ATP6V1E2: variants seen among roughly 807,000 people sequenced by gnomAD.
The protein encoded by ATP6V1E2 is ATPase H+ transporting V1 subunit E2, also known as V-type proton ATPase subunit E 2.
For synonymous variants in ATP6V1E2, 121 were observed against 104.2 expected (o/e 1.16, Z -0.98); for missense variants, 308 against 273.3 (o/e 1.13, Z -0.90).
At chr2:46,539,758 C>T (rs1667631888) in intron 2 of ATP6V1E2, among the ~76,000 whole-genome samples, 1 of 152,232 alleles carries the variant, frequency 6.6e-6, no homozygotes, top group African/African-American at 2.4e-5. Context: ...GTGCTCTTGG[C>T]CTTTCCCAGG....
At chr2:46,515,554 G>T (rs891986890) in intron 4 of ATP6V1E2, among the ~76,000 whole-genome samples, 1 of 152,068 alleles carries the variant, frequency 6.6e-6, no homozygotes, top group Non-Finnish European at 1.5e-5. Flanking sequence ...CAGGGGTTGG[G>T]GGCAGGTATG....
chr2:46,513,631 C>T (rs1375695103), intron 4 of ATP6V1E2, among the ~76,000 whole-genome samples: 1 of 152,042 alleles, frequency 6.6e-6, no homozygotes, highest in Non-Finnish European at 1.5e-5. Context: ...CAAGACCATC[C>T]TGGCCAACAT....
chr2:46,516,585 C>A (rs547115828), intron 4 of ATP6V1E2, among the ~76,000 whole-genome samples: 9 of 152,128 alleles, frequency 5.9e-5, no homozygotes, highest in Middle Eastern at 3.4e-3. Flanking sequence ...CAGAATGAGA[C>A]CCTATCTCTA....
intron 4 of ATP6V1E2, among the ~76,000 whole-genome samples, chr2:46,526,984 C>T (rs1572710210): frequency 6.6e-6 from 1 of 152,214 alleles, no homozygotes; most frequent in Non-Finnish European, 1.5e-5. Flanking sequence ...CACTATTTTA[C>T]AGTTCACAGC....
chr2:46,534,730 T>C (rs746145701), intron 4 of ATP6V1E2: 6 of 151,134 alleles, frequency 4.0e-5, no homozygotes, highest in Non-Finnish European at 7.4e-5. Flanking sequence ...AGTCTAGAGT[T>C]ACCTCACTTT....
chr2:46,534,977 C>T (rs1213393920), intron 4 of ATP6V1E2: 1 of 152,222 alleles, frequency 6.6e-6, no homozygotes, highest in African/African-American at 2.4e-5. Context: ...TTCCAGGAGC[C>T]TGTTTTGCTG....
At chr2:46,534,489 T>C (rs1667343929) in intron 4 of ATP6V1E2, 1 of 152,210 alleles carries the variant, frequency 6.6e-6, no homozygotes, top group Non-Finnish European at 1.5e-5. Flanking sequence ...GCTAACGTTA[T>C]TATCTCTGTC....
In ATP6V1E2 at chr2:46,512,353, ACCAGTTTATCCAGCAGCC is replaced by A; in HGVS notation, c.341_358del (p.Gly114_Leu119del). On this transcript the variant is annotated inframe_deletion, in exon 5 of 5. Coordinates refer to ENST00000522587, the MANE Select transcript of ATP6V1E2 (RefSeq NM_001318063.2). ...CAGCAGTCGGAGCAGACCCTGGAGC[ACCAGTTTATCCAGCAGCC>A]CCTGGTAGACCTCTGGGTCCTCCAC... 2 of 1,613,982 alleles carry A rather than the reference ACCAGTTTATCCAGCAGCC, an allele frequency of 1.2e-6. No homozygotes were observed. Among genetic ancestry groups the A allele is most frequent in the Non-Finnish European group, 1.7e-6 (2 of 1,179,974 alleles).
In ATP6V1E2 at chr2:46,512,067, C is replaced by A. The variant is rs183405788; in HGVS notation, c.645G>T (p.Leu215Phe). ...ACTTTCTGTTGGTGTTAGCACCAAA[C>A]AAGGCCATTCGTATTTCTGGCATCT... ...KQKMPEIRMA[L>F]FGANTNRKFF... Residue 215 changes from leucine to phenylalanine, a missense_variant, in exon 5 of 5, where the codon TTG (leucine) becomes TTT (phenylalanine). Transcript: ENST00000522587. The A allele has an allele frequency of 1.2e-6, 2 of 1,611,424 alleles. No individual in the cohort carries two copies. The highest frequency in any genetic ancestry group is 1.7e-6 in the Non-Finnish European group (2 of 1,178,694).
At position 46,535,123 on chromosome 2, in the gene ATP6V1E2, T is replaced by TA. The variant is rs1014585892; in HGVS notation, c.-102+689dup. ...TAGACAGCATTTTTCAGCAGAAAGT[T>TA]AGAGTGATAGGGTTTGCCCCATTTG... On this transcript the variant is annotated intron_variant, in intron 4 of 4. Transcript: ENST00000522587. The surrounding 1 kb of genome is among the most constrained non-coding windows in gnomAD (Gnocchi z 4.4). 3 of 152,194 alleles carry TA rather than the reference T, an allele frequency of 2.0e-5. No individual in the cohort carries two copies. Among genetic ancestry groups the TA allele is most frequent in the Admixed American group, 6.5e-5 (1 of 15,274 alleles). The allele number at this position is 152,194 out of a possible 1,614,324, so 9.4% of individuals were successfully genotyped here.
chr2:46,523,688 T>C (rs1666753620), intron 4 of ATP6V1E2, among the ~76,000 whole-genome samples: 1 of 152,218 alleles, frequency 6.6e-6, no homozygotes, highest in African/African-American at 2.4e-5. Context: ...TGGTTCTTTT[T>C]GCTTAGGATT....
chr2:46,519,192 A>G (rs1346412159), intron 4 of ATP6V1E2: 5 of 152,254 alleles, frequency 3.3e-5, no homozygotes, highest in African/African-American at 9.6e-5. Flanking sequence ...TTATCCTTGC[A>G]CACTCAGAAT....
intron 4 of ATP6V1E2, among the ~76,000 whole-genome samples, chr2:46,515,102 A>G (rs74331744): frequency 0.027 from 4,057 of 152,282 alleles, 182 homozygotes; most frequent in African/African-American, 0.09. Context: ...GAAGTTCATC[A>G]CCACTAGACC....
intron 4 of ATP6V1E2, among the ~76,000 whole-genome samples, chr2:46,514,710 G>T (rs1054884744): frequency 3.9e-5 from 6 of 152,040 alleles, no homozygotes; most frequent in Non-Finnish European, 5.9e-5. Context: ...CTCAAAAGAA[G>T]GCTGGGAAAA....
intron 4 of ATP6V1E2, among the ~76,000 whole-genome samples, chr2:46,517,804 C>T (rs1375116634): frequency 1.3e-5 from 2 of 152,128 alleles, no homozygotes; most frequent in Non-Finnish European, 2.9e-5. Context: ...CACTTTACTC[C>T]TGACAGGATG....
At chr2:46,520,844 G>T (rs1666583374) in intron 4 of ATP6V1E2, among the ~76,000 whole-genome samples, 1 of 152,140 alleles carries the variant, frequency 6.6e-6, no homozygotes, top group Non-Finnish European at 1.5e-5. Context: ...CTTGGGGATG[G>T]AAGGGAGGCT....
intron 4 of ATP6V1E2, among the ~76,000 whole-genome samples, chr2:46,521,634 G>A (rs1047659740): frequency 1.3e-5 from 2 of 152,108 alleles, no homozygotes; most frequent in African/African-American, 4.8e-5. Context: ...TCCTTTGGGG[G>A]ATTTTAAATA....
chr2:46,527,519 C>G (rs530699903), intron 4 of ATP6V1E2, among the ~76,000 whole-genome samples: 30 of 152,098 alleles, frequency 2.0e-4, no homozygotes, highest in Non-Finnish European at 4.0e-4. Context: ...CCGCGCCCGG[C>G]TAGTCCAACT....
At chr2:46,520,557 T>A (rs572944182) in intron 4 of ATP6V1E2, among the ~76,000 whole-genome samples, 2 of 152,306 alleles carry the variant, frequency 1.3e-5, no homozygotes, top group South Asian at 4.1e-4. Context: ...CTTTGGCTCA[T>A]GCTGTTGTCT....
Sources: allele counts gnomAD v4.1 joint callset (sites outside exome capture counted in the v4.1 genomes callset), GRCh38; gene constraint gnomAD v4.1.1; non-coding constraint Gnocchi (gnomAD v3.1); transcripts MANE v1.5; gene names NCBI Gene and HGNC (gene_info 2026-07-23, HGNC 2026-07-21).